PCDH11Y: variants seen among roughly 807,000 people sequenced by gnomAD.
PCDH11Y encodes protocadherin-11 Y-linked.
For synonymous variants in PCDH11Y, 9 were observed against 83.6 expected (o/e 0.11, Z 4.87); for missense variants, 12 against 224.8 (o/e 0.05, Z 6.05).
chrY:5,573,613 G>A, intron 3 of PCDH11Y: 1 of 274,760 alleles, frequency 3.6e-6, no homozygotes, highest in South Asian at 3.2e-5. Flanking sequence ...GACAATGCCC[G>A]TCTTGCTGCT....
At chrY:5,718,019 T>A (rs1602963635) in intron 4 of PCDH11Y, among the ~76,000 whole-genome samples, 110 of 32,232 alleles carry the variant, frequency 3.4e-3, no homozygotes, top group African/African-American at 0.012. Flanking sequence ...CTCAATTATT[T>A]GTGAGATCTG....
At chrY:5,164,620 A>G (rs2052877424) in intron 2 of PCDH11Y, among the ~76,000 whole-genome samples, 1 of 32,624 alleles carries the variant, frequency 3.1e-5, no homozygotes, top group Non-Finnish European at 7.6e-5. Context: ...ACCTTCAGAA[A>G]AGAAGGCAGA....
intron 1 of PCDH11Y, among the ~76,000 whole-genome samples, chrY:5,097,811 AAATT>A (rs2052756015): frequency 3.0e-5 from 1 of 33,192 alleles, no homozygotes; most frequent in South Asian, 6.5e-4. Flanking sequence ...ATGAAATAAA[AAATT>A]AATTAATTAA....
intron 4 of PCDH11Y, among the ~76,000 whole-genome samples, chrY:5,699,777 C>T (rs1602961652): frequency 3.0e-5 from 1 of 33,430 alleles, no homozygotes; most frequent in Non-Finnish European, 7.4e-5. Flanking sequence ...AAGTGGCTGC[C>T]GAGAGTCTGC....
chrY:5,083,184 C>G (rs2571981), intron 1 of PCDH11Y, among the ~76,000 whole-genome samples: 1 of 33,486 alleles, frequency 3.0e-5, no homozygotes, highest in South Asian at 6.8e-4. Flanking sequence ...CATGATTTCC[C>G]GAGCAGAGTA....
chrY:5,029,726 C>A (rs2124621195), intron 1 of PCDH11Y, among the ~76,000 whole-genome samples: 1 of 27,804 alleles, frequency 3.6e-5, no homozygotes, highest in African/African-American at 1.4e-4. Flanking sequence ...AGTTCGAGAC[C>A]AGCCTGGCCA....
chrY:5,627,093 A>C (rs2124703210), intron 4 of PCDH11Y, among the ~76,000 whole-genome samples: 2 of 31,959 alleles, frequency 6.3e-5, no homozygotes, highest in Admixed American at 2.8e-4. Flanking sequence ...CTTGGGTTCA[A>C]GAGATTCTCC....
intron 4 of PCDH11Y, among the ~76,000 whole-genome samples, chrY:5,615,652 G>T (rs2053492972): frequency 3.0e-5 from 1 of 33,245 alleles, no homozygotes; most frequent in Non-Finnish European, 7.4e-5. Flanking sequence ...TGGAGGAAAA[G>T]TAACTCTTAG....
At chrY:5,579,254 T>C in intron 3 of PCDH11Y, among the ~76,000 whole-genome samples, 1 of 32,934 alleles carries the variant, frequency 3.0e-5, no homozygotes, top group African/African-American at 1.2e-4. Flanking sequence ...GTAATATTTA[T>C]GAAACTCAAA....
chrY:5,405,815 A>G (rs2053238200), intron 2 of PCDH11Y, among the ~76,000 whole-genome samples: 1 of 34,791 alleles, frequency 2.9e-5, no homozygotes, highest in African/African-American at 1.1e-4. Flanking sequence ...CATGGAATTA[A>G]TATAGGTTAA....
At chrY:5,108,563 C>T (rs2052798113), downstream of PCDH11Y, among the ~76,000 whole-genome samples, 3 of 30,133 alleles carry the variant, frequency 1.0e-4, no homozygotes, top group South Asian at 7.6e-4. Context: ...CTGGCTAACA[C>T]AGTGAAACCT....
At chrY:5,042,537 G>A in intron 3 of PCDH11Y, among the ~76,000 whole-genome samples, 1 of 28,735 alleles carries the variant, frequency 3.5e-5, no homozygotes, top group Non-Finnish European at 8.2e-5. Flanking sequence ...CTGAATTCAG[G>A]TAGTGTGATG....
downstream of PCDH11Y, chrY:5,104,923 C>T: frequency 4.4e-6 from 1 of 224,729 alleles, no homozygotes; most frequent in East Asian, 5.4e-4. Context: ...CTGAGAAAAT[C>T]ATTTTTATTA....
chrY:5,733,021 A>G, intron 4 of PCDH11Y, among the ~76,000 whole-genome samples: 1 of 33,307 alleles, frequency 3.0e-5, no homozygotes, highest in Non-Finnish European at 7.4e-5. Flanking sequence ...CTTTCTTTCA[A>G]GATGTTTATC....
chrY:5,627,765 A>G (rs2053508908), intron 4 of PCDH11Y, among the ~76,000 whole-genome samples: 1 of 33,029 alleles, frequency 3.0e-5, no homozygotes, highest in African/African-American at 1.2e-4. Context: ...TAAAAATGAT[A>G]TAAAGCTAAG....
At chrY:5,143,147 A>T in intron 2 of PCDH11Y, among the ~76,000 whole-genome samples, 1 of 33,124 alleles carries the variant, frequency 3.0e-5, no homozygotes, top group South Asian at 6.7e-4. Flanking sequence ...TCAGGAAGAG[A>T]AAGAAATAAC....
intron 2 of PCDH11Y, among the ~76,000 whole-genome samples, chrY:5,414,849 C>T (rs1602922274): frequency 9.2e-5 from 3 of 32,721 alleles, no homozygotes; most frequent in East Asian, 8.1e-4. Context: ...CTGCAACCTC[C>T]GCCTCCTGGA....
At chrY:5,347,166 GC>G (rs2053153237) in intron 2 of PCDH11Y, among the ~76,000 whole-genome samples, 1 of 33,232 alleles carries the variant, frequency 3.0e-5, no homozygotes, top group Non-Finnish European at 7.4e-5. Flanking sequence ...CGTAATCTGG[GC>G]CAGGAGCAGG....
intron 2 of PCDH11Y, among the ~76,000 whole-genome samples, chrY:5,386,090 CTG>C (rs2053214933): frequency 6.0e-5 from 2 of 33,464 alleles, no homozygotes; most frequent in Non-Finnish European, 1.5e-4. Flanking sequence ...CTGAAAAAGA[CTG>C]TATCTTTTCT....
Sources: allele counts gnomAD v4.1 joint callset (sites outside exome capture counted in the v4.1 genomes callset), GRCh38; gene constraint gnomAD v4.1.1; transcripts MANE v1.5; gene names NCBI Gene and HGNC (gene_info 2026-07-23, HGNC 2026-07-21).